NELL1: variants seen among roughly 807,000 people sequenced by gnomAD.
NELL1 encodes the protein neural EGFL like 1.
In NELL1, 76 loss-of-function variants were observed where a neutral mutation model predicts 107.4. The ratio of observed to expected loss-of-function variants is 0.71; its 90% CI spans 0.59 to 0.86. The LOEUF (loss-of-function observed/expected upper bound fraction) is 0.86. Ranked by LOEUF, NELL1 falls within the 40% of genes least tolerant of loss-of-function variation. The pLI, the probability that NELL1 is intolerant of heterozygous loss-of-function variation, is 0.00. For missense variants in NELL1, 1,024 were observed against 1,005.5 expected, an observed-to-expected ratio of 1.02 and a Z score of -0.25; for synonymous variants, 353 against 341.2, an observed-to-expected ratio of 1.03 and a Z score of -0.38.
At chr11:21,399,254 A>G (rs1293605307) in intron 15 of NELL1, among the ~76,000 whole-genome samples, 1 of 151,694 alleles carries the variant, frequency 6.6e-6, no homozygotes, top group Non-Finnish European at 1.5e-5. Context: ...GGAGGAAGCA[A>G]TGAATTGGGT....
intron 14 of NELL1, among the ~76,000 whole-genome samples, chr11:21,280,941 C>A (rs540579079): frequency 1.7e-4 from 26 of 152,110 alleles, no homozygotes; most frequent in Admixed American, 6.5e-4. Context: ...GCCAGTGGAC[C>A]TGGAGAACAG....
intron 2 of NELL1, among the ~76,000 whole-genome samples, chr11:20,693,143 A>C (rs1260926336): frequency 6.6e-6 from 1 of 151,412 alleles, no homozygotes; most frequent in Admixed American, 6.6e-5. Flanking sequence ...TGCTTGGTAG[A>C]TCTTCCTCCA....
intron 15 of NELL1, among the ~76,000 whole-genome samples, chr11:21,454,731 G>C (rs929447111): frequency 3.3e-5 from 5 of 152,172 alleles, no homozygotes; most frequent in Admixed American, 6.5e-5. Flanking sequence ...CCATTCCTCA[G>C]CTGCAGCGGG....
chr11:21,360,397 T>G (rs1851048638), intron 14 of NELL1, among the ~76,000 whole-genome samples: 1 of 152,080 alleles, frequency 6.6e-6, no homozygotes, highest in South Asian at 2.1e-4. Flanking sequence ...GAAACTTGTT[T>G]TGTGGCCTAT....
intron 9 of NELL1, among the ~76,000 whole-genome samples, chr11:20,931,928 A>G (rs1337198499): frequency 6.6e-6 from 1 of 152,172 alleles, no homozygotes; most frequent in Non-Finnish European, 1.5e-5. Flanking sequence ...ACAAAGGCAA[A>G]ATGAGCCAAT....
At chr11:20,717,663 C>A (rs1207023008) in intron 2 of NELL1, among the ~76,000 whole-genome samples, 1 of 152,074 alleles carries the variant, frequency 6.6e-6, no homozygotes, top group Non-Finnish European at 1.5e-5. Flanking sequence ...TTAAATGTTA[C>A]TTTCTTAAGG....
chr11:20,956,531 G>A (rs945604780), intron 11 of NELL1, among the ~76,000 whole-genome samples: 9 of 150,522 alleles, frequency 6.0e-5, no homozygotes, highest in South Asian at 2.1e-4. Context: ...CCGTAGTCCC[G>A]GCTACTTGGG....
At chr11:20,741,006 G>A (rs1044315429) in intron 2 of NELL1, among the ~76,000 whole-genome samples, 22 of 151,990 alleles carry the variant, frequency 1.4e-4, no homozygotes, top group African/African-American at 5.3e-4. Context: ...GCTTCAACCT[G>A]CTTTTTCAGT....
At chr11:20,976,401 A>G (rs1432486042) in intron 12 of NELL1, among the ~76,000 whole-genome samples, 3 of 152,070 alleles carry the variant, frequency 2.0e-5, no homozygotes, top group African/African-American at 7.2e-5. Flanking sequence ...ATCCCAACCC[A>G]ACTTTGGGCT....
chr11:20,868,755 G>A (rs1849142385), intron 4 of NELL1, among the ~76,000 whole-genome samples: 1 of 151,946 alleles, frequency 6.6e-6, no homozygotes, highest in Admixed American at 6.6e-5. Context: ...AAATCAATCT[G>A]TAAAATAAAC....
chr11:20,671,580 C>T (rs1371824627), intron 1 of NELL1, among the ~76,000 whole-genome samples: 3 of 152,282 alleles, frequency 2.0e-5, no homozygotes, highest in Admixed American at 6.5e-5. Flanking sequence ...CTTCCAATCC[C>T]CTTTAAATCT....
chr11:20,705,518 G>C (rs1467448188), intron 2 of NELL1, among the ~76,000 whole-genome samples: 1 of 145,708 alleles, frequency 6.9e-6, no homozygotes, highest in African/African-American at 2.6e-5. Context: ...ATGAATTTAA[G>C]ATGGATTAAA....
intron 15 of NELL1, among the ~76,000 whole-genome samples, chr11:21,380,709 A>T (rs1291615021): frequency 6.6e-6 from 1 of 152,032 alleles, no homozygotes; most frequent in African/African-American, 2.4e-5. Flanking sequence ...TTGCAGACAT[A>T]TGGAAAAATA....
intron 12 of NELL1, among the ~76,000 whole-genome samples, chr11:20,982,417 T>C (rs1851768129): frequency 6.6e-6 from 1 of 152,174 alleles, no homozygotes; most frequent in African/African-American, 2.4e-5. Context: ...TTGAGAATGA[T>C]TATGTGGAGC....
intron 13 of NELL1, among the ~76,000 whole-genome samples, chr11:21,157,473 GA>G (rs1856269436): frequency 6.6e-6 from 1 of 152,058 alleles, no homozygotes; most frequent in African/African-American, 2.4e-5. Flanking sequence ...GCATTTTTGA[GA>G]ATTACACCCT....
chr11:21,391,002 C>T (rs10160599), intron 15 of NELL1, among the ~76,000 whole-genome samples: 43,656 of 151,366 alleles, frequency 0.29, 6,743 homozygotes, highest in Non-Finnish European at 0.34. Context: ...CTGGATTATA[C>T]CCCTATCTTT....
chr11:20,771,562 C>T (rs576797048), intron 2 of NELL1, among the ~76,000 whole-genome samples: 2 of 152,092 alleles, frequency 1.3e-5, no homozygotes, highest in African/African-American at 4.8e-5. Context: ...ACGGGGAAGC[C>T]TAGATTCCTG....
At chr11:21,403,093 A>G (rs1417145257) in intron 15 of NELL1, among the ~76,000 whole-genome samples, 1 of 151,768 alleles carries the variant, frequency 6.6e-6, no homozygotes, top group African/African-American at 2.4e-5. Flanking sequence ...TACATTGTAT[A>G]AAATTGTTTT....
chr11:21,487,455 A>T (rs921199046), intron 15 of NELL1, among the ~76,000 whole-genome samples: 1 of 126,882 alleles, frequency 7.9e-6, no homozygotes, highest in Non-Finnish European at 1.6e-5. Flanking sequence ...TGATTAAGGG[A>T]GCCCTACACC....
Sources: allele counts gnomAD v4.1 joint callset (sites outside exome capture counted in the v4.1 genomes callset), GRCh38; gene constraint gnomAD v4.1.1; transcripts MANE v1.5; gene names NCBI Gene and HGNC (gene_info 2026-07-23, HGNC 2026-07-21).